ASIC2: variants seen among roughly 807,000 people sequenced by gnomAD.
The protein encoded by ASIC2 is acid sensing ion channel subunit 2.
A neutral mutation model predicts 57.3 loss-of-function variants in ASIC2; 25 were observed. That is an observed-to-expected ratio of 0.44 (90% CI 0.32 to 0.61). ASIC2 has a LOEUF of 0.61. ASIC2 is among the 20% of genes least tolerant of loss of function. The pLI is 0.06. For synonymous variants in ASIC2, 319 were observed against 307.5 expected (o/e 1.04, Z -0.39); for missense variants, 641 against 738.1 (o/e 0.87, Z 1.52).
intron 1 of ASIC2, among the ~76,000 whole-genome samples, chr17:33,668,992 C>T (rs772558970): frequency 2.0e-5 from 3 of 152,184 alleles, no homozygotes; most frequent in Non-Finnish European, 2.9e-5. Flanking sequence ...TCTGGTCCTG[C>T]AACAGACGCC....
chr17:33,332,798 G>A (rs1361685055), intron 1 of ASIC2, among the ~76,000 whole-genome samples: 1 of 152,176 alleles, frequency 6.6e-6, no homozygotes, highest in African/African-American at 2.4e-5. Context: ...GGCTGAGGCA[G>A]GAGAATCACT....
At chr17:33,870,224 G>GTTTTTTTTTTT (rs869267956) in intron 1 of ASIC2, among the ~76,000 whole-genome samples, 7 of 50,120 alleles carry the variant, frequency 1.4e-4, no homozygotes, top group African/African-American at 2.4e-4. Context: ...GAGAAATTCT[G>GTTTTTTTTTTT]TTTTTTTTTT....
intron 1 of ASIC2, among the ~76,000 whole-genome samples, chr17:33,915,497 A>G (rs1915564135): frequency 6.6e-6 from 1 of 152,134 alleles, no homozygotes; most frequent in African/African-American, 2.4e-5. Flanking sequence ...AGACATGTTC[A>G]GATTTATCCC....
chr17:33,159,021 G>A (rs1328080998), intron 1 of ASIC2, among the ~76,000 whole-genome samples: 2 of 152,226 alleles, frequency 1.3e-5, no homozygotes, highest in Non-Finnish European at 2.9e-5. Flanking sequence ...CCAGCTGAGA[G>A]TTTGAGTTAG....
At chr17:33,622,378 A>G (rs1223227434) in intron 1 of ASIC2, among the ~76,000 whole-genome samples, 3 of 152,162 alleles carry the variant, frequency 2.0e-5, no homozygotes, top group Non-Finnish European at 4.4e-5. Context: ...AACAAACTAC[A>G]GTTTTTTTAA....
chr17:34,099,118 GAGAGAGAGAGAGAGAGAGAGAGAGAGAC>G (rs1478930321), intron 1 of ASIC2, among the ~76,000 whole-genome samples: 31 of 26,522 alleles, frequency 1.2e-3, no homozygotes, highest in South Asian at 2.4e-3. Flanking sequence ...GAGAGAGAGA[GAGAGAGAGAGAGAGAGAGAGAGAGAGAC>G]AGAGAGAGAG....
chr17:33,573,849 A>C (rs573546549), intron 1 of ASIC2, among the ~76,000 whole-genome samples: 17 of 152,318 alleles, frequency 1.1e-4, no homozygotes, highest in African/African-American at 4.1e-4. Context: ...TACTGACATG[A>C]GCCAACACAC....
intron 1 of ASIC2, among the ~76,000 whole-genome samples, chr17:33,340,802 T>C (rs1333489737): frequency 6.6e-6 from 1 of 152,034 alleles, no homozygotes; most frequent in African/African-American, 2.4e-5. Flanking sequence ...TGAATGAATA[T>C]GTTCACGTGT....
chr17:34,035,406 T>A (rs1009903727), intron 1 of ASIC2, among the ~76,000 whole-genome samples: 1 of 146,964 alleles, frequency 6.8e-6, no homozygotes, highest in African/African-American at 2.6e-5. Flanking sequence ...GACTTAAACG[T>A]TAGACCTAAA....
At chr17:33,464,218 C>T (rs1472741) in intron 1 of ASIC2, among the ~76,000 whole-genome samples, 36,985 of 152,020 alleles carry the variant, frequency 0.24, 4,589 homozygotes, top group African/African-American at 0.27. Context: ...TGCTCAGTGG[C>T]TTCTGGTTTC....
At chr17:34,085,575 C>G (rs532309026) in intron 1 of ASIC2, among the ~76,000 whole-genome samples, 2 of 152,298 alleles carry the variant, frequency 1.3e-5, no homozygotes, top group South Asian at 4.1e-4. Context: ...GGAGAATTCC[C>G]TCTTTTTCTA....
rs1361806460 is a variant in ASIC2 at position 33,479,952 on chromosome 17, G to A, written c.556-367885C>T. Among the ~76,000 whole-genome samples the A allele has an allele frequency of 2.0e-5, 3 of 152,192 alleles. 1 individual carries two copies. Among genetic ancestry groups the A allele is most frequent in the Non-Finnish European group, 4.4e-5 (3 of 68,018 alleles). ...TGCTTCCTTGTGCTAAATAATAGGG[G>A]TGATCCCCTGAGGCCCCTCCTTCCC... On this transcript the variant is annotated intron_variant, in intron 1 of 9. Coordinates refer to the ASIC2 transcript ENST00000359872.
chr17:33,582,980 A>C (rs1440619676), intron 1 of ASIC2, among the ~76,000 whole-genome samples: 1 of 152,032 alleles, frequency 6.6e-6, no homozygotes, highest in East Asian at 1.9e-4. Context: ...TAATGCTGCA[A>C]ATGAGTGGGG....
At chr17:33,825,462 G>A (rs993738904) in intron 1 of ASIC2, among the ~76,000 whole-genome samples, 2 of 152,128 alleles carry the variant, frequency 1.3e-5, no homozygotes, top group South Asian at 2.1e-4. Context: ...ATCCCTAACT[G>A]AGGCCCCTTT....
intron 1 of ASIC2, among the ~76,000 whole-genome samples, chr17:33,824,362 A>T (rs1203219190): frequency 6.6e-6 from 1 of 152,246 alleles, no homozygotes; most frequent in East Asian, 1.9e-4. Flanking sequence ...TCAGACAGAT[A>T]TTAGCAGGTG....
At chr17:33,664,792 C>A (rs1456026083) in intron 1 of ASIC2, among the ~76,000 whole-genome samples, 2 of 152,076 alleles carry the variant, frequency 1.3e-5, no homozygotes, top group African/African-American at 4.8e-5. Context: ...TTAAATCAAC[C>A]CTTACAAAAT....
chr17:34,142,785 C>T (rs1021938304), intron 1 of ASIC2, among the ~76,000 whole-genome samples: 4 of 152,154 alleles, frequency 2.6e-5, no homozygotes, highest in African/African-American at 9.7e-5. Context: ...ATCATTTCTT[C>T]CACCTAGAGT....
chr17:33,766,903 A>T (rs773028931), intron 1 of ASIC2, among the ~76,000 whole-genome samples: 1 of 152,248 alleles, frequency 6.6e-6, no homozygotes, highest in Non-Finnish European at 1.5e-5. Flanking sequence ...TTTGATGGCG[A>T]TAAACTCTAA....
At chr17:33,138,581 C>T (rs1052953080) in intron 1 of ASIC2, among the ~76,000 whole-genome samples, 1 of 152,164 alleles carries the variant, frequency 6.6e-6, no homozygotes, top group African/African-American at 2.4e-5. Flanking sequence ...GGAAATAATC[C>T]AAGCAACATC....
Sources: allele counts gnomAD v4.1 joint callset (sites outside exome capture counted in the v4.1 genomes callset), GRCh38; gene constraint gnomAD v4.1.1; transcripts MANE v1.5; gene names NCBI Gene and HGNC (gene_info 2026-07-23, HGNC 2026-07-21).